IL19: variants seen among roughly 807,000 people sequenced by gnomAD.
IL19 encodes the protein interleukin-19.
IL19 carries 15 observed loss-of-function variants against 19.5 expected under a neutral mutation model. The ratio of observed to expected loss-of-function variants is 0.77; its 90% CI spans 0.52 to 1.19. The LOEUF (loss-of-function observed/expected upper bound fraction) is 1.19. Ranked by LOEUF, IL19 falls within the 50% of genes most tolerant of loss-of-function variation. The pLI, the probability that IL19 is intolerant of heterozygous loss-of-function variation, is 0.00. For missense variants in IL19, 199 were observed against 213.1 expected (o/e 0.93, Z 0.41); for synonymous variants, 78 against 78.3 (o/e 1.00, Z 0.02).
At chr1:206,794,456 TG>T (rs941958076) in intron 1 of IL19, among the ~76,000 whole-genome samples, 3 of 152,170 alleles carry the variant, frequency 2.0e-5, no homozygotes, top group African/African-American at 7.2e-5. Context: ...CCCTCCTTTG[TG>T]AAGCCTCTTC....
At chr1:206,838,523 G>A (rs1034647576) in intron 4 of IL19, among the ~76,000 whole-genome samples, 3 of 152,170 alleles carry the variant, frequency 2.0e-5, no homozygotes, top group Non-Finnish European at 4.4e-5. Context: ...ATGACAGCTA[G>A]AAGGGACCCA....
intron 1 of IL19, among the ~76,000 whole-genome samples, chr1:206,776,652 C>G (rs535820405): frequency 1.3e-5 from 2 of 151,962 alleles, no homozygotes; most frequent in Non-Finnish European, 1.5e-5. Context: ...GGAAGGTGAC[C>G]GCATATACCT....
intron 1 of IL19, among the ~76,000 whole-genome samples, chr1:206,786,196 A>G (rs1211141005): frequency 6.6e-6 from 1 of 152,222 alleles, no homozygotes. Context: ...TGAGAAAAAA[A>G]TGGGAAAAAT....
intron 2 of IL19, among the ~76,000 whole-genome samples, chr1:206,823,119 G>A (rs903071612): frequency 1.3e-5 from 2 of 151,834 alleles, no homozygotes; most frequent in Non-Finnish European, 2.9e-5. Flanking sequence ...TAGTAGAGAC[G>A]GGGTTTCTCC....
chr1:206,801,439 C>A (rs944642982), intron 2 of IL19, among the ~76,000 whole-genome samples: 1 of 152,276 alleles, frequency 6.6e-6, no homozygotes, highest in Non-Finnish European at 1.5e-5. Context: ...GTCCTTGTCT[C>A]TTTCCAGCTC....
intron 2 of IL19, among the ~76,000 whole-genome samples, chr1:206,806,360 G>A (rs912557671): frequency 6.6e-6 from 1 of 152,050 alleles, no homozygotes; most frequent in Non-Finnish European, 1.5e-5. Context: ...ATAGAAAAGA[G>A]CTACTACTCT....
At chr1:206,781,186 C>G (rs1675119023) in intron 1 of IL19, among the ~76,000 whole-genome samples, 1 of 151,842 alleles carries the variant, frequency 6.6e-6, no homozygotes, top group Non-Finnish European at 1.5e-5. Context: ...TGGCTCACGC[C>G]TGTAATCCCA....
Position 206,770,939 on chromosome 1 carries a change from G to T in IL19, c.-288G>T. 1 of 1,614,146 alleles carries T rather than the reference G, an allele frequency of 6.2e-7. No individual in the cohort carries two copies. The highest frequency in any genetic ancestry group is 8.5e-7 in the Non-Finnish European group (1 of 1,180,004). The stretch of plus-strand genomic sequence containing the variant: ...CGTAGCCTCAGCCTGAGGGTCTTCA[G>T]GTTCTCCCCCAGGGAGTTCACATGC... On this transcript the variant is annotated 5_prime_UTR_variant, in exon 1 of 7. The change creates a new upstream start codon in the 5' untranslated region. Transcript: ENST00000659997.
intron 3 of IL19, 45 bp from the exon 4 acceptor site, chr1:206,836,913 T>C (rs771677680): frequency 8.7e-6 from 14 of 1,603,192 alleles, no homozygotes; most frequent in East Asian, 6.7e-5. Flanking sequence ...CAGAAGAACA[T>C]AGGATACCGA....
chr1:206,792,238 G>C (rs914985009), intron 1 of IL19, among the ~76,000 whole-genome samples: 10 of 152,166 alleles, frequency 6.6e-5, no homozygotes, highest in Admixed American at 5.2e-4. Flanking sequence ...ATTGCTGAGT[G>C]TTCCTGAGTC....
chr1:206,781,506 C>T (rs74148793), intron 1 of IL19, among the ~76,000 whole-genome samples: 6,507 of 151,470 alleles, frequency 0.043, 475 homozygotes, highest in African/African-American at 0.15. Flanking sequence ...CATCATCCTG[C>T]CCATTCTGGT....
chr1:206,840,097 T>G, intron 5 of IL19, 95 bp downstream of exon 5: 1 of 1,385,012 alleles, frequency 7.2e-7, no homozygotes, highest in Middle Eastern at 1.8e-4. Flanking sequence ...GATATGGTGC[T>G]TGGAGTCAAA....
chr1:206,798,720 T>G, intron 1 of IL19, 141 bp from the exon 2 acceptor site: 1 of 550,828 alleles, frequency 1.8e-6, no homozygotes, highest in Non-Finnish European at 3.2e-6. Context: ...TGACTGAGGG[T>G]GTGATTCGGT....
chr1:206,789,377 A>C (rs1675339550), intron 1 of IL19, among the ~76,000 whole-genome samples: 1 of 151,852 alleles, frequency 6.6e-6, no homozygotes, highest in Admixed American at 6.6e-5. Context: ...CCATTATACC[A>C]CCCCTTATGC....
chr1:206,795,369 T>A (rs1319643251), intron 1 of IL19, among the ~76,000 whole-genome samples: 1 of 152,240 alleles, frequency 6.6e-6, no homozygotes, highest in East Asian at 1.9e-4. Flanking sequence ...GGCTGCTTTA[T>A]AAGAACTAGT....
At chr1:206,835,038 C>T (rs926850254) in intron 2 of IL19, among the ~76,000 whole-genome samples, 7 of 152,170 alleles carry the variant, frequency 4.6e-5, no homozygotes, top group African/African-American at 1.4e-4. Flanking sequence ...GCACATGGCA[C>T]GCAGGATAAA....
In IL19 at chr1:206,778,283, AC is replaced by A. The variant is rs576328911; in HGVS notation, c.-149+7206del. Among the ~76,000 whole-genome samples the A allele has an allele frequency of 1.5e-3, 233 of 152,312 alleles. 3 individuals carry two copies. Among genetic ancestry groups the A allele is most frequent in the African/African-American group, 5.3e-3 (221 of 41,562 alleles). ...TTTGGATTTTCCTTAGGGGATGGAC[AC>A]TGTGCTCTGTAACTTCTCATATGAG... On this transcript the variant is annotated intron_variant, in intron 1 of 6. Transcript: ENST00000659997.
intron 1 of IL19, among the ~76,000 whole-genome samples, chr1:206,777,342 G>A (rs1185980475): frequency 1.3e-5 from 2 of 149,432 alleles, no homozygotes; most frequent in Non-Finnish European, 3.0e-5. Flanking sequence ...GGGAGGCGGA[G>A]GTTGCAGTGA....
chr1:206,778,812 T>C (rs956425705), intron 1 of IL19, among the ~76,000 whole-genome samples: 6 of 152,186 alleles, frequency 3.9e-5, no homozygotes, highest in Non-Finnish European at 8.8e-5. Context: ...TGTTGGTCCC[T>C]CCCTCTTCCT....
Sources: gnomAD v4.1 joint callset for allele counts (sites outside exome capture counted in the v4.1 genomes callset) on GRCh38, gnomAD v4.1.1 for gene constraint, MANE v1.5 for transcripts, NCBI Gene and HGNC (gene_info 2026-07-23, HGNC 2026-07-21) for gene names.